Variants in KAT2B observed in about 807,000 individuals in gnomAD.
KAT2B encodes the protein lysine acetyltransferase 2B.
Under a neutral mutation model 105.9 loss-of-function variants are expected in KAT2B, and 36 were observed. The ratio of observed to expected loss-of-function variants is 0.34; its 90% confidence interval spans 0.26 to 0.45. The LOEUF is 0.45. Among genes scored for constraint, KAT2B ranks in the 20% least tolerant of loss-of-function variants. KAT2B has a pLI of 1.00. For missense variants in KAT2B, 820 were observed against 1,021.6 expected (o/e 0.80, Z 2.69); for synonymous variants, 397 against 377.9 (o/e 1.05, Z -0.59).
intron 13 of KAT2B, among the ~76,000 whole-genome samples, chr3:20,144,438 G>A (rs1190849204): frequency 2.0e-5 from 3 of 151,144 alleles, no homozygotes; most frequent in Non-Finnish European, 4.4e-5. Flanking sequence ...ACAGGCACCC[G>A]CCACCATGCC....
chr3:20,126,475 A>G (rs1320806133), intron 10 of KAT2B, among the ~76,000 whole-genome samples: 1 of 151,852 alleles, frequency 6.6e-6, no homozygotes, highest in Non-Finnish European at 1.5e-5. Flanking sequence ...TCTGTGGGCA[A>G]TTATTGGGAT....
At chr3:20,150,649 C>A (rs1699854973) in intron 17 of KAT2B, among the ~76,000 whole-genome samples, 1 of 152,134 alleles carries the variant, frequency 6.6e-6, no homozygotes, top group South Asian at 2.1e-4. Flanking sequence ...ATTGAAAAAA[C>A]TCTACGAAGG....
At chr3:20,045,712 A>G (rs987391731) in intron 1 of KAT2B, among the ~76,000 whole-genome samples, 6 of 152,202 alleles carry the variant, frequency 3.9e-5, no homozygotes, top group Admixed American at 1.3e-4. Flanking sequence ...GGCTAAGAAC[A>G]TGGGCTTCAG....
In KAT2B at chr3:20,143,214, C is replaced by G. The variant is rs116143139; in HGVS notation, c.2004+2850C>G. On this transcript the variant is annotated intron_variant, in intron 13 of 17. Coordinates refer to ENST00000263754, the MANE Select transcript of KAT2B (RefSeq NM_003884.5). ...TGAGGACATACTTTCATTTGGAAGGCATTGATTTTATCGTCATGGTAGGGA... is the reference window on the plus strand; with the variant it reads ...TGAGGACATACTTTCATTTGGAAGGGATTGATTTTATCGTCATGGTAGGGA... Among the ~76,000 whole-genome samples, 430 of 152,270 alleles carry G rather than the reference C, an allele frequency of 2.8e-3. 1 individual carries two copies. Among genetic ancestry groups the G allele is most frequent in the African/African-American group, 9.8e-3 (406 of 41,562 alleles).
At chr3:20,137,166 A>G (rs1472944782) in intron 12 of KAT2B, 114 bp downstream of exon 12, 2 of 627,284 alleles carry the variant, frequency 3.2e-6, no homozygotes, top group Non-Finnish European at 5.7e-6. Context: ...AAGAACAGGC[A>G]TTTGTTTTAC....
chr3:20,120,220 T>A (rs2125172979), intron 8 of KAT2B, among the ~76,000 whole-genome samples: 1 of 152,140 alleles, frequency 6.6e-6, no homozygotes, highest in South Asian at 2.1e-4. Flanking sequence ...ATTCTTTTTT[T>A]TTTTCCTTTT....
chr3:20,133,589 A>G (rs573224177), intron 11 of KAT2B, among the ~76,000 whole-genome samples: 1 of 152,166 alleles, frequency 6.6e-6, no homozygotes, highest in African/African-American at 2.4e-5. Context: ...ATATTTGCTT[A>G]TTTCTGGTAA....
rs1417103340 is a variant in KAT2B at position 20,061,827 on chromosome 3, AT to A, written c.304-10505del. Among the ~76,000 whole-genome samples the A allele has an allele frequency of 3.5e-3, 307 of 88,566 alleles. 2 individuals carry two copies. Among genetic ancestry groups the A allele is most frequent in the African/African-American group, 0.011 (298 of 27,594 alleles). 58.1% of individuals were successfully genotyped at this position (88,566 alleles called of 152,430 possible). ...TTATATATTATACATAAAGTATATA[AT>A]ATATAATATACATAAAATATATATA... On this transcript the variant is annotated intron_variant, in intron 1 of 17. Coordinates refer to ENST00000263754, the MANE Select transcript of KAT2B (RefSeq NM_003884.5).
chr3:20,111,449 C>A, intron 5 of KAT2B, 147 bp from the exon 6 acceptor site: 1 of 599,452 alleles, frequency 1.7e-6, no homozygotes, highest in Non-Finnish European at 2.9e-6. Context: ...TCCCAAGTTT[C>A]ACTAGCTGGC....
chr3:20,116,335 C>T (rs62243135), intron 7 of KAT2B, among the ~76,000 whole-genome samples: 2 of 152,186 alleles, frequency 1.3e-5, no homozygotes, highest in African/African-American at 4.8e-5. Flanking sequence ...TCCCTAAGTT[C>T]TCCCATCCCC....
chr3:20,069,529 CTTT>C (rs754535544), intron 1 of KAT2B, among the ~76,000 whole-genome samples: 1 of 81,558 alleles, frequency 1.2e-5, no homozygotes. Flanking sequence ...CTTTTCTTTT[CTTT>C]TTTTTTTTTT....
At chr3:20,092,419 G>C (rs1465900958) in intron 2 of KAT2B, among the ~76,000 whole-genome samples, 2 of 151,526 alleles carry the variant, frequency 1.3e-5, no homozygotes, top group Non-Finnish European at 2.9e-5. Context: ...CAGTAGAGAC[G>C]AGGTTTCACC....
intron 17 of KAT2B, 60 bp downstream of exon 17, chr3:20,148,547 C>T (rs578152514): frequency 1.4e-5 from 17 of 1,205,164 alleles, no homozygotes; most frequent in African/African-American, 1.4e-4. Flanking sequence ...GTGTGGGGGA[C>T]AAATGGTTGC....
intron 9 of KAT2B, among the ~76,000 whole-genome samples, chr3:20,125,021 G>A (rs574180940): frequency 8.5e-4 from 130 of 152,298 alleles, no homozygotes; most frequent in African/African-American, 3.0e-3. Flanking sequence ...TTAAAAAGAG[G>A]TGTTAAGAAT....
intron 14 of KAT2B, among the ~76,000 whole-genome samples, chr3:20,147,274 C>T (rs974659283): frequency 3.3e-5 from 5 of 152,100 alleles, no homozygotes; most frequent in African/African-American, 1.2e-4. Flanking sequence ...AGAAATTCTA[C>T]TTCCATGTAT....
chr3:20,098,692 T>G (rs538979055), intron 3 of KAT2B, among the ~76,000 whole-genome samples: 7 of 152,328 alleles, frequency 4.6e-5, no homozygotes, highest in Admixed American at 3.3e-4. Flanking sequence ...CCAGAATTAT[T>G]TGTATTTAAT....
intron 7 of KAT2B, among the ~76,000 whole-genome samples, chr3:20,118,143 T>C (rs1004624495): frequency 2.7e-5 from 4 of 147,806 alleles, no homozygotes; most frequent in African/African-American, 9.8e-5. Context: ...TAAAAAAAAA[T>C]TTAGGAGAAA....
rs112439983 is a variant in KAT2B, at chr3:20,138,325, G to A, written c.1860+1273G>A. On this transcript the variant is annotated intron_variant, in intron 12 of 17. Transcript: ENST00000263754. ...ATAAACATAAAAGTTGGTTCATACT[G>A]TGTATATAATAATTTTGGTGGTTTC... Among the ~76,000 whole-genome samples, 613 of 152,098 alleles carry A rather than the reference G, an allele frequency of 4.0e-3. 4 individuals are homozygous for A. The highest frequency in any genetic ancestry group is 0.014 in the African/African-American group (580 of 41,494).
intron 2 of KAT2B, among the ~76,000 whole-genome samples, chr3:20,085,695 G>C (rs1698601938): frequency 6.6e-6 from 1 of 151,816 alleles, no homozygotes; most frequent in African/African-American, 2.4e-5. Context: ...GTTTTTAGTA[G>C]AGACAGGGTT....
Sources: gnomAD v4.1 joint callset for allele counts (sites outside exome capture counted in the v4.1 genomes callset) on GRCh38, gnomAD v4.1.1 for gene constraint, MANE v1.5 for transcripts, NCBI Gene and HGNC (gene_info 2026-07-23, HGNC 2026-07-21) for gene names.